Variants in FGF14 observed in about 807,000 individuals in gnomAD.
FGF14 encodes the protein fibroblast growth factor 14, also known as fibroblast growth factor homologous factor 4.
A neutral mutation model predicts 25.5 loss-of-function variants in FGF14; 5 were observed. The ratio of observed to expected loss-of-function variants is 0.20; its 90% CI spans 0.10 to 0.41. The LOEUF (loss-of-function observed/expected upper bound fraction) is 0.41. FGF14 is among the 10% of genes least tolerant of loss of function. The pLI is 1.00. For synonymous variants in FGF14, 138 were observed against 118.3 expected, an observed-to-expected ratio of 1.17 and a Z score of -1.08; for missense variants, 222 against 320.1, an observed-to-expected ratio of 0.69 and a Z score of 2.34.
chr13:101,912,704 C>G (rs375496966), intron 1 of FGF14, among the ~76,000 whole-genome samples: 2 of 151,958 alleles, frequency 1.3e-5, no homozygotes, highest in South Asian at 2.1e-4. Flanking sequence ...TGTAATCCCT[C>G]TAATTCTCTT....
At chr13:102,288,337 A>G (rs2054208674) in intron 1 of FGF14, among the ~76,000 whole-genome samples, 1 of 152,216 alleles carries the variant, frequency 6.6e-6, no homozygotes, top group East Asian at 1.9e-4. Context: ...CTAACTTTGT[A>G]TTAATTCTAA....
chr13:102,304,052 A>C (rs1487235747), intron 1 of FGF14, among the ~76,000 whole-genome samples: 1 of 152,106 alleles, frequency 6.6e-6, no homozygotes, highest in Non-Finnish European at 1.5e-5. Context: ...CAAATGTTCA[A>C]GTTATTAAAA....
At chr13:102,259,041 A>ATC (rs1364811684) in intron 1 of FGF14, among the ~76,000 whole-genome samples, 4 of 152,168 alleles carry the variant, frequency 2.6e-5, no homozygotes, top group African/African-American at 9.7e-5. Flanking sequence ...GTTAGAAATC[A>ATC]TCTCCTCATT....
At chr13:102,283,894 T>C (rs1442503328) in intron 1 of FGF14, among the ~76,000 whole-genome samples, 2 of 152,224 alleles carry the variant, frequency 1.3e-5, no homozygotes, top group African/African-American at 2.4e-5. Context: ...ATGAAAATAA[T>C]GCATACTGCA....
intron 1 of FGF14, among the ~76,000 whole-genome samples, chr13:102,280,512 C>A (rs2053775469): frequency 6.6e-6 from 1 of 152,066 alleles, no homozygotes; most frequent in South Asian, 2.1e-4. Flanking sequence ...GGGCAGTGGT[C>A]AGCAATGGAA....
chr13:101,804,936 G>C (rs957517669), intron 3 of FGF14, among the ~76,000 whole-genome samples: 1 of 152,124 alleles, frequency 6.6e-6, no homozygotes, highest in African/African-American at 2.4e-5. Context: ...TTCTACCTAA[G>C]ATGCAAGCAT....
At chr13:102,343,523 TAC>T (rs1465699655) in intron 1 of FGF14, among the ~76,000 whole-genome samples, 1 of 152,194 alleles carries the variant, frequency 6.6e-6, no homozygotes, top group Non-Finnish European at 1.5e-5. Context: ...TAAAGGGCTT[TAC>T]ACAGATGAAT....
intron 1 of FGF14, among the ~76,000 whole-genome samples, chr13:102,268,241 T>C (rs1454303381): frequency 6.6e-6 from 1 of 152,138 alleles, no homozygotes; most frequent in East Asian, 1.9e-4. Context: ...CTCGGTGTCA[T>C]TGACTAACTC....
At chr13:102,027,857 C>T (rs541831375) in intron 1 of FGF14, among the ~76,000 whole-genome samples, 11 of 151,896 alleles carry the variant, frequency 7.2e-5, no homozygotes, top group Admixed American at 2.6e-4. Context: ...TCCATAGCAA[C>T]GTCTCTCGAT....
chr13:102,089,957 T>G (rs1219701801), intron 1 of FGF14, among the ~76,000 whole-genome samples: 4 of 152,244 alleles, frequency 2.6e-5, no homozygotes, highest in African/African-American at 9.6e-5. Flanking sequence ...GCCTTGTCTT[T>G]GTTATTCTTG....
At chr13:101,753,892 T>C (rs1385547569) in intron 3 of FGF14, among the ~76,000 whole-genome samples, 2 of 152,086 alleles carry the variant, frequency 1.3e-5, no homozygotes, top group Non-Finnish European at 2.9e-5. Flanking sequence ...AAAAACATCC[T>C]TTAAATGCCA....
chr13:101,931,302 C>T (rs764590018), intron 1 of FGF14, among the ~76,000 whole-genome samples: 3 of 152,174 alleles, frequency 2.0e-5, no homozygotes, highest in African/African-American at 4.8e-5. Flanking sequence ...TCCATTCTCC[C>T]TCACGCTGTC....
rs748760358 is a variant in FGF14, at chr13:101,719,573, T to C, written c.*3258A>G. The C allele has an allele frequency of 6.6e-6, 1 of 152,078 alleles. No individual in the cohort carries two copies. The highest frequency in any genetic ancestry group is 1.5e-5 in the Non-Finnish European group (1 of 67,990). 9.4% of individuals were successfully genotyped at this position (152,078 alleles called of 1,614,324 possible). A position where few individuals can be genotyped will look rare whatever the true frequency, so the allele number is the denominator to read the frequency against. On this transcript the variant is annotated 3_prime_UTR_variant, in exon 5 of 5. Coordinates refer to ENST00000376143, the MANE Select transcript of FGF14 (RefSeq NM_004115.4). Reference sequence around the variant, plus strand: ...CAAAATGTTTTAAAAAGCAATCTTATATTAGAAAACAAAAATGTTGTCACT... The same window carrying C: ...CAAAATGTTTTAAAAAGCAATCTTACATTAGAAAACAAAAATGTTGTCACT...
intron 3 of FGF14, among the ~76,000 whole-genome samples, chr13:101,789,624 G>A (rs2040115028): frequency 6.6e-6 from 1 of 152,060 alleles, no homozygotes; most frequent in Non-Finnish European, 1.5e-5. Flanking sequence ...ATGCACCTGA[G>A]GTTCATGGGT....
intron 3 of FGF14, among the ~76,000 whole-genome samples, chr13:101,795,395 C>T (rs2040463891): frequency 6.6e-6 from 1 of 152,010 alleles, no homozygotes; most frequent in African/African-American, 2.4e-5. Context: ...GCATCTTCTC[C>T]ATTGTTTAAT....
intron 1 of FGF14, among the ~76,000 whole-genome samples, chr13:102,253,276 A>C (rs573071521): frequency 1.3e-5 from 2 of 152,242 alleles, no homozygotes; most frequent in South Asian, 2.1e-4. Context: ...ACTAGTTTAC[A>C]CTCCCACCAA....
chr13:101,962,249 TG>T (rs2036904065), intron 1 of FGF14, among the ~76,000 whole-genome samples: 3 of 152,160 alleles, frequency 2.0e-5, no homozygotes, highest in Non-Finnish European at 4.4e-5. Flanking sequence ...AGTGGTTTGT[TG>T]CTCTCCTTGA....
At chr13:101,738,913 G>GTATA (rs982198454) in intron 3 of FGF14, among the ~76,000 whole-genome samples, 2 of 139,578 alleles carry the variant, frequency 1.4e-5, no homozygotes, top group African/African-American at 2.6e-5. Context: ...ATACCAATTG[G>GTATA]TATATATATA....
At chr13:101,749,921 T>C (rs376664607) in intron 3 of FGF14, among the ~76,000 whole-genome samples, 11 of 152,204 alleles carry the variant, frequency 7.2e-5, no homozygotes, top group African/African-American at 1.4e-4. Flanking sequence ...GTAATGGTAT[T>C]TGAAGGTGGG....
Sources: gnomAD v4.1 joint callset for allele counts (sites outside exome capture counted in the v4.1 genomes callset) on GRCh38, gnomAD v4.1.1 for gene constraint, MANE v1.5 for transcripts, NCBI Gene and HGNC (gene_info 2026-07-23, HGNC 2026-07-21) for gene names.